The following MAP2 variants were observed in gnomAD, a reference collection of about 807,000 sequenced individuals.
MAP2 encodes microtubule-associated protein 2.
In MAP2, 14 loss-of-function variants were observed where a neutral mutation model predicts 137.6. That is an observed-to-expected ratio of 0.10 (90% confidence interval 0.07 to 0.16). The LOEUF (loss-of-function observed/expected upper bound fraction) is 0.16. Ranked by LOEUF, MAP2 falls within the 10% of genes least tolerant of loss-of-function variation. MAP2 has a pLI of 1.00. For missense variants in MAP2, 2,088 were observed against 2,191.5 expected, an observed-to-expected ratio of 0.95 and a Z score of 0.94; for synonymous variants, 786 against 782.3, an observed-to-expected ratio of 1.00 and a Z score of -0.08.
At chr2:209,656,413 G>A (rs924118773) in intron 5 of MAP2, among the ~76,000 whole-genome samples, 26 of 152,030 alleles carry the variant, frequency 1.7e-4, no homozygotes, top group Non-Finnish European at 3.5e-4. Flanking sequence ...AGAGGCAAAG[G>A]TGGGAGGATC....
intron 3 of MAP2, among the ~76,000 whole-genome samples, chr2:209,615,379 A>G (rs1024137367): frequency 6.6e-6 from 1 of 152,184 alleles, no homozygotes; most frequent in African/African-American, 2.4e-5. Flanking sequence ...TTAGATGTTA[A>G]GCAAAACTCA....
chr2:209,626,789 T>C (rs2092390570), intron 4 of MAP2, among the ~76,000 whole-genome samples: 1 of 152,218 alleles, frequency 6.6e-6, no homozygotes, highest in Non-Finnish European at 1.5e-5. Context: ...CCTTCTGTTA[T>C]AAAGTTGACT....
intron 2 of MAP2, among the ~76,000 whole-genome samples, chr2:209,517,923 TG>T: frequency 6.6e-6 from 1 of 152,068 alleles, no homozygotes; most frequent in Non-Finnish European, 1.5e-5. Flanking sequence ...AACACATTTT[TG>T]CCTGGTCCAG....
chr2:209,587,234 C>T (rs923697662), intron 3 of MAP2, among the ~76,000 whole-genome samples: 2 of 152,104 alleles, frequency 1.3e-5, no homozygotes, highest in Non-Finnish European at 2.9e-5. Context: ...TAGCTCTTGA[C>T]ATCCATCACA....
At chr2:209,438,092 C>A (rs1300551838) in intron 1 of MAP2, among the ~76,000 whole-genome samples, 1 of 151,486 alleles carries the variant, frequency 6.6e-6, no homozygotes, top group Non-Finnish European at 1.5e-5. Flanking sequence ...TATAAAGTAT[C>A]TCGAATATTA....
Position 209,696,117 on chromosome 2 carries a change from A to T in MAP2, c.3947A>T (p.Gln1316Leu). ...AGCGTGCGTTTTGCAGCCCTAGAGCAGCCTGAGGTGGAAAGGAGACCATCT... is the reference window on the plus strand; with the variant it reads ...AGCGTGCGTTTTGCAGCCCTAGAGCTGCCTGAGGTGGAAAGGAGACCATCT... ...SHSVRFAALE[Q>L]PEVERRPSPH... Residue 1316 changes from glutamine to leucine, a missense_variant, in exon 8 of 16, where the codon CAG (glutamine) becomes CTG (leucine). Physicochemically the swap from Gln to Leu is moderately radical, Grantham distance 113 (BLOSUM62 -2). Around this residue, in one of 6 missense-constraint regions of MAP2, gnomAD observed 591 missense variants for 642.6 expected, o/e 0.92. Coordinates refer to ENST00000682079, the MANE Select transcript of MAP2 (RefSeq NM_001375505.1). 6.2e-7 allele frequency: 1 copy of T among 1,613,632 alleles called. No individual in the cohort carries two copies. The highest frequency in any genetic ancestry group is 8.5e-7 in the Non-Finnish European group (1 of 1,179,786).
intron 1 of MAP2, among the ~76,000 whole-genome samples, chr2:209,501,149 G>C (rs1275687003): frequency 6.6e-6 from 1 of 151,008 alleles, no homozygotes; most frequent in Non-Finnish European, 1.5e-5. Context: ...CCCAACATTT[G>C]TTTCTGTAAG....
At chr2:209,637,454 A>G (rs1003887541) in intron 4 of MAP2, among the ~76,000 whole-genome samples, 21 of 152,086 alleles carry the variant, frequency 1.4e-4, no homozygotes, top group Non-Finnish European at 2.8e-4. Flanking sequence ...ATGAGATAAG[A>G]CAAGATAAGG....
intron 4 of MAP2, among the ~76,000 whole-genome samples, chr2:209,641,905 A>G (rs777855087): frequency 2.0e-5 from 3 of 152,290 alleles, no homozygotes; most frequent in East Asian, 1.9e-4. Context: ...GTTGTTACCA[A>G]TCGAGCAGGT....
At chr2:209,667,722 A>G (rs2046965304) in intron 5 of MAP2, among the ~76,000 whole-genome samples, 1 of 151,948 alleles carries the variant, frequency 6.6e-6, no homozygotes, top group Admixed American at 6.6e-5. Context: ...ACAAGCCCCA[A>G]ATGTCTATTC....
intron 5 of MAP2, among the ~76,000 whole-genome samples, chr2:209,660,846 T>G (rs944699108): frequency 2.7e-5 from 4 of 147,000 alleles, no homozygotes; most frequent in Admixed American, 2.7e-4. Context: ...CCCATTCTCC[T>G]GCCTCAGCCT....
chr2:209,525,532 G>A (rs1418811868), intron 2 of MAP2, among the ~76,000 whole-genome samples: 1 of 152,114 alleles, frequency 6.6e-6, no homozygotes, highest in African/African-American at 2.4e-5. Context: ...TTCTGACAAA[G>A]CAAGCCCATT....
intron 1 of MAP2, among the ~76,000 whole-genome samples, chr2:209,482,261 C>T (rs1386907735): frequency 1.3e-5 from 2 of 152,104 alleles, no homozygotes. Context: ...GTATAGATAT[C>T]CAACATTACA....
rs1281135482 is a variant in MAP2, at chr2:209,693,891, A to T, written c.1721A>T (p.Glu574Val). The T allele has an allele frequency of 6.2e-7, 1 of 1,611,572 alleles. No homozygotes were observed. Among genetic ancestry groups the T allele is most frequent in the African/African-American group, 1.3e-5 (1 of 74,802 alleles). Residue 574 changes from glutamate to valine, a missense_variant, in exon 8 of 16, where the codon GAA (glutamate) becomes GTA (valine). By Grantham distance (121) the Glu-to-Val change is moderately radical. This residue lies in a region of MAP2 where 859 missense variants were observed against 794.5 expected (regional missense o/e 1.08). Transcript: ENST00000682079. ...EDKSGMSKYF[E>V]TSALKEEATK... ...AAATCAGGAATGTCCAAGTACTTTG[A>T]AACATCTGCCTTGAAAGAAGAAGCA...
intron 3 of MAP2, among the ~76,000 whole-genome samples, chr2:209,614,073 A>G (rs2088077079): frequency 2.0e-5 from 3 of 152,054 alleles, no homozygotes; most frequent in Admixed American, 2.0e-4. Flanking sequence ...ATACCGTGCA[A>G]TGCCCGGGTT....
intron 2 of MAP2, among the ~76,000 whole-genome samples, chr2:209,508,012 C>T (rs1174929051): frequency 6.6e-6 from 1 of 152,028 alleles, no homozygotes; most frequent in Non-Finnish European, 1.5e-5. Context: ...CAGGAAAACA[C>T]TTTGAATTCC....
chr2:209,672,044 CA>C (rs1276587937), intron 5 of MAP2, among the ~76,000 whole-genome samples: 1 of 151,842 alleles, frequency 6.6e-6, no homozygotes, highest in African/African-American at 2.4e-5. Flanking sequence ...GCGCTAAAAG[CA>C]AAGCCTGAGG....
intron 7 of MAP2, among the ~76,000 whole-genome samples, chr2:209,691,688 A>G (rs2058954184): frequency 6.6e-6 from 1 of 152,232 alleles, no homozygotes; most frequent in Admixed American, 6.5e-5. Flanking sequence ...AAAATGTGTT[A>G]TCTAATTTCT....
intron 6 of MAP2, 81 bp from the exon 7 acceptor site, chr2:209,680,669 C>T: frequency 8.0e-7 from 1 of 1,246,424 alleles, no homozygotes; most frequent in Non-Finnish European, 1.2e-6. Context: ...GGTCTTTTTA[C>T]AAATGGCAGA....
Sources: gnomAD v4.1 joint callset for allele counts (sites outside exome capture counted in the v4.1 genomes callset) on GRCh38, gnomAD v4.1.1 for gene constraint, gnomAD v4.1.1 regional missense constraint, MANE v1.5 for transcripts, NCBI Gene and HGNC (gene_info 2026-07-23, HGNC 2026-07-21) for gene names.